The following CABP1 variants were observed in gnomAD, a reference collection of about 807,000 sequenced individuals.
CABP1 encodes calcium-binding protein 1.
CABP1 carries 17 observed loss-of-function variants against 34.3 expected under a neutral mutation model. That is an observed-to-expected ratio of 0.50 (90% CI 0.34 to 0.74). The LOEUF is 0.74. Ranked by LOEUF, CABP1 falls within the 30% of genes least tolerant of loss-of-function variation. The pLI, the probability that CABP1 is intolerant of heterozygous loss-of-function variation, is 0.01. For missense variants in CABP1, 373 were observed against 511.1 expected (o/e 0.73, Z 2.61); for synonymous variants, 198 against 229.2 (o/e 0.86, Z 1.23).
At chr12:120,669,993 G>A (rs1290714545), downstream of CABP1, among the ~76,000 whole-genome samples, 4 of 150,506 alleles carry the variant, frequency 2.7e-5, no homozygotes, top group African/African-American at 7.4e-5. Flanking sequence ...GCCAGGAAAC[G>A]TTTTTTTTTC....
the CABP1 span, among the ~76,000 whole-genome samples, chr12:120,675,457 A>C: frequency 6.6e-6 from 1 of 152,246 alleles, no homozygotes; most frequent in African/African-American, 2.4e-5. Context: ...GGGCCCTCAC[A>C]CATGCTGTTC....
chr12:120,653,135 T>C (rs951761168), intron 1 of CABP1, among the ~76,000 whole-genome samples: 1 of 152,188 alleles, frequency 6.6e-6, no homozygotes, highest in African/African-American at 2.4e-5. Flanking sequence ...TCTCATTTCT[T>C]TCCTGATTGG....
chr12:120,671,835 G>A (rs1005666621), downstream of CABP1, among the ~76,000 whole-genome samples: 1 of 152,210 alleles, frequency 6.6e-6, no homozygotes, highest in African/African-American at 2.4e-5. Flanking sequence ...GGGAGGCTGA[G>A]GTGGGAGGAT....
intron 1 of CABP1, among the ~76,000 whole-genome samples, chr12:120,649,911 G>A (rs1207424516): frequency 6.6e-6 from 1 of 152,208 alleles, no homozygotes; most frequent in African/African-American, 2.4e-5. Flanking sequence ...AGCTGGAATT[G>A]CCAGGGGCAG....
Position 120,640,825 on chromosome 12 carries a change from C to T in CABP1, c.140C>T (p.Pro47Leu), listed in dbSNP as rs1341043594. ...GCGCCGCGCCGCACCGCGCCGCCCC[C>T]GCCGGGCCATGCGAGCGCGGGCCCC... ...GPAPRRTAPP[P>L]PGHASAGPAA... Residue 47 changes from proline to leucine, a missense_variant, in exon 1 of 6, where the codon CCG (proline) becomes CTG (leucine). This residue lies in a region of CABP1 where 134 missense variants were observed against 145.4 expected (regional missense o/e 0.92). Coordinates refer to ENST00000316803, the MANE Select transcript of CABP1 (RefSeq NM_001033677.2). This position sits in a 1 kb window ranked among gnomAD's most constrained non-coding sequence, Gnocchi z 6.2. 9.2e-6 allele frequency: 10 copies of T among 1,081,964 alleles called. No homozygotes were observed. In the South Asian group the frequency reaches 3.5e-4, roughly 38 times the overall value. 67.0% of individuals were successfully genotyped at this position (1,081,964 alleles called of 1,614,324 possible).
intron 1 of CABP1, among the ~76,000 whole-genome samples, chr12:120,656,870 G>A (rs570695798): frequency 6.6e-6 from 1 of 152,314 alleles, no homozygotes; most frequent in African/African-American, 2.4e-5. Context: ...ACTCCAGCCT[G>A]GGTGACAGAG....
chr12:120,679,656 C>T, the CABP1 span, among the ~76,000 whole-genome samples: 3 of 151,770 alleles, frequency 2.0e-5, no homozygotes, highest in Admixed American at 1.3e-4. Flanking sequence ...GGAGAAACCC[C>T]GTCTCTACTA....
chr12:120,656,158 C>T (rs776767240), intron 1 of CABP1: 28 of 1,613,836 alleles, frequency 1.7e-5, no homozygotes, highest in Non-Finnish European at 2.1e-5. Context: ...TGGCGGCTGA[C>T]GCCGAGCTCC....
chr12:120,643,233 G>A (rs2137325891), intron 1 of CABP1, among the ~76,000 whole-genome samples: 1 of 151,492 alleles, frequency 6.6e-6, no homozygotes, highest in Admixed American at 6.6e-5. Flanking sequence ...TTGCCTCTCA[G>A]CTGCGGGCTT....
At chr12:120,642,110 G>T (rs1361179444) in intron 1 of CABP1, among the ~76,000 whole-genome samples, 1 of 152,170 alleles carries the variant, frequency 6.6e-6, no homozygotes. Flanking sequence ...TTGAGGCTGT[G>T]CTGCTGGGGA....
chr12:120,679,649 G>T, the CABP1 span, among the ~76,000 whole-genome samples: 1 of 152,156 alleles, frequency 6.6e-6, no homozygotes, highest in African/African-American at 2.4e-5. Flanking sequence ...CCAACATGGA[G>T]AAACCCCGTC....
chr12:120,650,479 G>C (rs1879774086), intron 1 of CABP1: 1 of 1,498,494 alleles, frequency 6.7e-7, no homozygotes, highest in South Asian at 1.3e-5. Flanking sequence ...ACGAGTAAGA[G>C]AGCACGCGCG....
chr12:120,644,132 C>T (rs1457147777), intron 1 of CABP1, among the ~76,000 whole-genome samples: 5 of 152,172 alleles, frequency 3.3e-5, no homozygotes, highest in Admixed American at 3.3e-4. Context: ...CTGTCACTTT[C>T]GATCTCTGTG....
the CABP1 span, among the ~76,000 whole-genome samples, chr12:120,673,106 C>T: frequency 6.6e-6 from 1 of 152,060 alleles, no homozygotes; most frequent in Non-Finnish European, 1.5e-5. Flanking sequence ...AAAGTGGTTG[C>T]TTTTAGAGAG....
intron 1 of CABP1, among the ~76,000 whole-genome samples, chr12:120,648,175 A>G (rs940738728): frequency 1.3e-5 from 2 of 152,026 alleles, no homozygotes; most frequent in African/African-American, 2.4e-5. Flanking sequence ...CATATGGTCT[A>G]TTTTCTAGAT....
chr12:120,649,417 G>A lies in CABP1; in HGVS notation c.654+8078G>A, dbSNP rs149523036. Among the ~76,000 whole-genome samples, 1,157 of 152,310 alleles carry A rather than the reference G, an allele frequency of 7.6e-3. 7 individuals carry two copies. Among genetic ancestry groups the A allele is most frequent in the Admixed American group, 0.011 (168 of 15,298 alleles). On this transcript the variant is annotated intron_variant, in intron 1 of 5. Coordinates refer to ENST00000316803, the MANE Select transcript of CABP1 (RefSeq NM_001033677.2). ...GTGCAGGAAACAGGGACACTTGCAC[G>A]CGGGGAATCTGGCTGGGGCTGTAGG... is the stretch of plus-strand genomic sequence containing the variant.
At chr12:120,663,009 G>A (rs893228929) in intron 5 of CABP1, among the ~76,000 whole-genome samples, 1 of 152,110 alleles carries the variant, frequency 6.6e-6, no homozygotes, top group African/African-American at 2.4e-5. Flanking sequence ...CTTGGGCTAA[G>A]TTCTGTTAGC....
chr12:120,667,263 G>T lies in CABP1; in HGVS notation c.*363G>T. The T allele has an allele frequency of 5.0e-6, 2 of 400,148 alleles. No homozygotes were observed. The highest frequency in any genetic ancestry group is 9.2e-6 in the Non-Finnish European group (2 of 217,520). 24.8% of individuals were successfully genotyped at this position (400,148 alleles called of 1,614,324 possible). On this transcript the variant is annotated 3_prime_UTR_variant, in exon 6 of 6. Transcript: ENST00000316803. ...GCAAAGCCTCCCACCTTCGCTCTGC[G>T]CCCGTCCCAGCTCGCCTCAGCCCTG...
At chr12:120,647,500 C>T (rs1212147501) in intron 1 of CABP1, among the ~76,000 whole-genome samples, 1 of 150,424 alleles carries the variant, frequency 6.6e-6, no homozygotes, top group African/African-American at 2.4e-5. Context: ...AGGTGTGAGC[C>T]ACCATGCCCG....
Sources: gnomAD v4.1 joint callset for allele counts (sites outside exome capture counted in the v4.1 genomes callset) on GRCh38, gnomAD v4.1.1 for gene constraint, gnomAD v4.1.1 regional missense constraint, Gnocchi (gnomAD v3.1) non-coding constraint, MANE v1.5 for transcripts, NCBI Gene and HGNC (gene_info 2026-07-23, HGNC 2026-07-21) for gene names.